Variants in STRN observed in about 807,000 individuals in gnomAD.
The protein encoded by STRN is striatin.
A neutral mutation model predicts 96.3 loss-of-function variants in STRN; 53 were observed. That is an observed-to-expected ratio of 0.55 (90% CI 0.44 to 0.69). The LOEUF (loss-of-function observed/expected upper bound fraction) is 0.69. Among genes scored for constraint, STRN ranks in the 30% least tolerant of loss-of-function variants. STRN has a pLI of 0.00. For missense variants in STRN, 987 were observed against 963.9 expected (o/e 1.02, Z -0.32); for synonymous variants, 428 against 355.9 (o/e 1.20, Z -2.28).
At chr2:36,857,721 A>C in intron 14 of STRN, 135 bp downstream of exon 14, 1 of 739,050 alleles carries the variant, frequency 1.4e-6, no homozygotes, top group East Asian at 2.9e-5. Flanking sequence ...GGAAATTCAA[A>C]CAAATACACT....
At chr2:36,865,212 T>C (rs1668591237) in intron 12 of STRN, among the ~76,000 whole-genome samples, 2 of 152,248 alleles carry the variant, frequency 1.3e-5, no homozygotes. Flanking sequence ...TCTTGGGACG[T>C]TGTTTCCAGG....
At chr2:36,934,806 G>A (rs1251133229) in intron 1 of STRN, among the ~76,000 whole-genome samples, 4 of 152,178 alleles carry the variant, frequency 2.6e-5, no homozygotes, top group Non-Finnish European at 5.9e-5. Flanking sequence ...GCTGGGCACG[G>A]TGGCTCATGC....
At chr2:36,862,795 C>T (rs897720869) in intron 12 of STRN, among the ~76,000 whole-genome samples, 19 of 151,426 alleles carry the variant, frequency 1.3e-4, no homozygotes, top group African/African-American at 4.6e-4. Flanking sequence ...AGTGCAGTGG[C>T]GCGATCTTGG....
intron 12 of STRN, among the ~76,000 whole-genome samples, chr2:36,862,029 G>T (rs940463827): frequency 6.6e-6 from 1 of 152,014 alleles, no homozygotes; most frequent in African/African-American, 2.4e-5. Flanking sequence ...GCAGTATTTG[G>T]TTTTCTGTTC....
chr2:36,960,698 G>T (rs1002468814), intron 1 of STRN, among the ~76,000 whole-genome samples: 2 of 152,140 alleles, frequency 1.3e-5, no homozygotes, highest in African/African-American at 4.8e-5. Context: ...AAATACAATA[G>T]TAAGTTTTAA....
intron 1 of STRN, among the ~76,000 whole-genome samples, chr2:36,941,557 T>C (rs1167125306): frequency 1.3e-5 from 2 of 152,174 alleles, no homozygotes; most frequent in Non-Finnish European, 2.9e-5. Flanking sequence ...TGTAAACTTT[T>C]TTTTTTTTTG....
At chr2:36,871,242 T>C (rs1239563091) in intron 10 of STRN, among the ~76,000 whole-genome samples, 3 of 152,222 alleles carry the variant, frequency 2.0e-5, no homozygotes, top group African/African-American at 7.2e-5. Context: ...GTCCTAGACC[T>C]TCACATTCAC....
In STRN at chr2:36,839,918, G is replaced by C. The variant is rs1667911465; in HGVS notation, c.*9538C>G. 1 of 152,142 alleles carries C rather than the reference G, an allele frequency of 6.6e-6. No individual in the cohort carries two copies. 9.4% of individuals were successfully genotyped at this position (152,142 alleles called of 1,614,324 possible). On this transcript the variant is annotated 3_prime_UTR_variant, in exon 18 of 18. Coordinates refer to ENST00000263918, the MANE Select transcript of STRN (RefSeq NM_003162.4). ...TTGCACTGTTCAGCTAAAGCCCTGG[G>C]CCCTGCTGGAGTGCTGTCAGAAAAC...
At chr2:36,913,642 G>A (rs559863197) in intron 3 of STRN, among the ~76,000 whole-genome samples, 2 of 152,006 alleles carry the variant, frequency 1.3e-5, no homozygotes, top group South Asian at 4.2e-4. Flanking sequence ...AATCCAACAG[G>A]GCATTGTTGT....
In STRN at chr2:36,838,605, T is replaced by C. The variant is rs1020774701; in HGVS notation, c.*10851A>G. On this transcript the variant is annotated 3_prime_UTR_variant, in exon 18 of 18. Coordinates refer to ENST00000263918, the MANE Select transcript of STRN (RefSeq NM_003162.4). ...ATGAGTATTAAGGGAAAAGTGTTTT[T>C]ATACATTTACTGATGGAAATAAAAA... Among the ~76,000 whole-genome samples the C allele has an allele frequency of 6.6e-6, 1 of 152,238 alleles. No homozygotes were observed. The highest frequency in any genetic ancestry group is 2.1e-4 in the South Asian group (1 of 4,836).
intron 2 of STRN, among the ~76,000 whole-genome samples, chr2:36,920,162 T>A (rs1019988134): frequency 4.0e-4 from 61 of 152,288 alleles, no homozygotes; most frequent in African/African-American, 1.3e-3. Context: ...TGTTAAAACT[T>A]GGGGCTGTAT....
At chr2:36,925,668 G>C (rs1670389824) in intron 1 of STRN, among the ~76,000 whole-genome samples, 1 of 152,062 alleles carries the variant, frequency 6.6e-6, no homozygotes, top group African/African-American at 2.4e-5. Context: ...AGCTACTCGG[G>C]AGGCTTAGGC....
At chr2:36,965,564 C>CATT (rs1164243066) in intron 1 of STRN, among the ~76,000 whole-genome samples, 1 of 152,132 alleles carries the variant, frequency 6.6e-6, no homozygotes, top group Non-Finnish European at 1.5e-5. Context: ...ACCTCTTAAC[C>CATT]ATTCTCTCTG....
chr2:36,963,976 G>C (rs1051887181), intron 1 of STRN, among the ~76,000 whole-genome samples: 1 of 151,498 alleles, frequency 6.6e-6, no homozygotes, highest in East Asian at 1.9e-4. Context: ...GCAACAGAGC[G>C]AGACCCTCTC....
intron 10 of STRN, among the ~76,000 whole-genome samples, chr2:36,871,294 C>A (rs1668756781): frequency 6.6e-6 from 1 of 152,184 alleles, no homozygotes; most frequent in Non-Finnish European, 1.5e-5. Flanking sequence ...ACTTTCAGTC[C>A]TGCAAGCTCC....
At chr2:36,948,043 A>G (rs529917831) in intron 1 of STRN, among the ~76,000 whole-genome samples, 24 of 145,842 alleles carry the variant, frequency 1.6e-4, no homozygotes, top group Non-Finnish European at 1.8e-4. Context: ...CTCATCCTAT[A>G]GAATGATCAT....
intron 2 of STRN, among the ~76,000 whole-genome samples, chr2:36,923,451 A>T (rs2148228743): frequency 6.6e-6 from 1 of 151,956 alleles, no homozygotes; most frequent in Middle Eastern, 3.4e-3. Flanking sequence ...ACTCCAAAAA[A>T]AAAAAAAAAA....
chr2:36,853,658 C>G (rs1035587361), intron 15 of STRN, among the ~76,000 whole-genome samples: 1 of 152,168 alleles, frequency 6.6e-6, no homozygotes, highest in Admixed American at 6.5e-5. Context: ...TAATTTATTC[C>G]TATTCTAACA....
chr2:36,875,834 T>C (rs1668892553), intron 10 of STRN, among the ~76,000 whole-genome samples: 1 of 152,146 alleles, frequency 6.6e-6, no homozygotes, highest in Non-Finnish European at 1.5e-5. Flanking sequence ...TTTTTTTGTA[T>C]TTTTAGTAGA....
Sources: allele counts gnomAD v4.1 joint callset (sites outside exome capture counted in the v4.1 genomes callset), GRCh38; gene constraint gnomAD v4.1.1; transcripts MANE v1.5; gene names NCBI Gene and HGNC (gene_info 2026-07-23, HGNC 2026-07-21).